BMERB1: variants seen among roughly 807,000 people sequenced by gnomAD.
BMERB1 encodes bMERB domain-containing protein 1.
In BMERB1, 12 loss-of-function variants were observed where a neutral mutation model predicts 23.6. The ratio of observed to expected loss-of-function variants is 0.51; its 90% confidence interval spans 0.33 to 0.82. The LOEUF (loss-of-function observed/expected upper bound fraction) is 0.82, where lower values mean the gene tolerates loss of function less well. Ranked by LOEUF, BMERB1 falls within the 40% of genes least tolerant of loss-of-function variation. The pLI, the probability that BMERB1 is intolerant of heterozygous loss-of-function variation, is 0.03. For missense variants in BMERB1, 247 were observed against 255.4 expected, an observed-to-expected ratio of 0.97 and a Z score of 0.22; for synonymous variants, 122 against 96.6, an observed-to-expected ratio of 1.26 and a Z score of -1.54.
intron 1 of BMERB1, among the ~76,000 whole-genome samples, chr16:15,509,140 C>A (rs1233146081): frequency 6.6e-6 from 1 of 151,996 alleles, no homozygotes; most frequent in Admixed American, 6.6e-5. Flanking sequence ...CACGCCTCGC[C>A]CCAGGGTGTG....
chr16:15,578,907 GCA>G (rs1464690927), intron 3 of BMERB1, among the ~76,000 whole-genome samples: 6 of 152,306 alleles, frequency 3.9e-5, no homozygotes, highest in Admixed American at 3.3e-4. Flanking sequence ...AAGGTATGTG[GCA>G]CACACGCACG....
intron 2 of BMERB1, among the ~76,000 whole-genome samples, chr16:15,524,191 T>G (rs528479143): frequency 6.6e-6 from 1 of 152,276 alleles, no homozygotes; most frequent in South Asian, 2.1e-4. Flanking sequence ...AAATAGCATC[T>G]TCCAGGAACA....
intron 1 of BMERB1, among the ~76,000 whole-genome samples, chr16:15,509,616 G>C (rs2051635740): frequency 6.6e-6 from 1 of 152,130 alleles, no homozygotes; most frequent in African/African-American, 2.4e-5. Flanking sequence ...CCGCCTAGCT[G>C]TTTTTTGCCA....
chr16:15,436,544 G>A (rs988181969), intron 1 of BMERB1, among the ~76,000 whole-genome samples: 14 of 152,002 alleles, frequency 9.2e-5, no homozygotes, highest in Non-Finnish European at 2.1e-4. Context: ...CAGGTGTGAG[G>A]CACCCCACCT....
intron 1 of BMERB1, among the ~76,000 whole-genome samples, chr16:15,483,436 A>G (rs1409478683): frequency 1.3e-5 from 2 of 152,014 alleles, no homozygotes; most frequent in African/African-American, 4.8e-5. Context: ...CTGGAGTGCA[A>G]TGGCATGATC....
chr16:15,440,244 CAAAAAA>C (rs57412464), intron 1 of BMERB1, among the ~76,000 whole-genome samples: 4 of 64,702 alleles, frequency 6.2e-5, no homozygotes, highest in African/African-American at 2.6e-4. Flanking sequence ...GACTTAATCT[CAAAAAA>C]AAAAAAAAAA....
At chr16:15,456,192 CTTCT>C in intron 1 of BMERB1, among the ~76,000 whole-genome samples, 1 of 152,248 alleles carries the variant, frequency 6.6e-6, no homozygotes, top group Admixed American at 6.5e-5. Flanking sequence ...TGATGTGTAT[CTTCT>C]CAGTGTTTTG....
At chr16:15,586,580 A>T in intron 5 of BMERB1, 137 bp from the exon 6 acceptor site, 3 of 714,478 alleles carry the variant, frequency 4.2e-6, no homozygotes, top group Non-Finnish European at 7.6e-6. Context: ...TCTCCATACC[A>T]CCTGAACAAG....
chr16:15,524,862 G>A, intron 2 of BMERB1, among the ~76,000 whole-genome samples: 1 of 152,112 alleles, frequency 6.6e-6, no homozygotes, highest in East Asian at 1.9e-4. Context: ...GTTTCGAGAA[G>A]GAAAATACTC....
intron 1 of BMERB1, among the ~76,000 whole-genome samples, chr16:15,497,337 A>C (rs1356483901): frequency 3.3e-5 from 5 of 152,188 alleles, no homozygotes; most frequent in African/African-American, 1.2e-4. Context: ...CCGATGAATG[A>C]GGGGTCTGGC....
chr16:15,573,314 A>C (rs889906124), intron 3 of BMERB1, among the ~76,000 whole-genome samples: 6 of 152,182 alleles, frequency 3.9e-5, no homozygotes, highest in Non-Finnish European at 1.5e-5. Flanking sequence ...GGGGAATTAC[A>C]ATAGAGAAAG....
intron 1 of BMERB1, among the ~76,000 whole-genome samples, chr16:15,496,552 T>C (rs1357813450): frequency 2.6e-5 from 4 of 152,096 alleles, no homozygotes; most frequent in Non-Finnish European, 4.4e-5. Context: ...AATTTTTTTT[T>C]TTTTTTGAGA....
chr16:15,453,629 T>C (rs1221636166), intron 1 of BMERB1, among the ~76,000 whole-genome samples: 1 of 151,868 alleles, frequency 6.6e-6, no homozygotes, highest in East Asian at 1.9e-4. Flanking sequence ...CCCAGCATTT[T>C]GGGAGGCCGA....
At chr16:15,449,733 A>T (rs902332575) in intron 1 of BMERB1, among the ~76,000 whole-genome samples, 1 of 151,756 alleles carries the variant, frequency 6.6e-6, no homozygotes, top group South Asian at 2.1e-4. Context: ...TTTACTAGAG[A>T]CAAGCTTTCA....
chr16:15,436,685 C>G (rs564757848), intron 1 of BMERB1, among the ~76,000 whole-genome samples: 114 of 151,916 alleles, frequency 7.5e-4, no homozygotes, highest in Admixed American at 3.4e-3. Flanking sequence ...TCTGTGTCCC[C>G]CCATCCCAAT....
At chr16:15,454,367 T>A (rs1373274210) in intron 1 of BMERB1, among the ~76,000 whole-genome samples, 1 of 152,192 alleles carries the variant, frequency 6.6e-6, no homozygotes, top group Non-Finnish European at 1.5e-5. Context: ...CAGTGTTGCT[T>A]CCTTCGAGGA....
At chr16:15,517,920 TGA>T (rs1303833929) in intron 2 of BMERB1, among the ~76,000 whole-genome samples, 1 of 147,914 alleles carries the variant, frequency 6.8e-6, no homozygotes, top group African/African-American at 2.5e-5. Context: ...TATGTGTGTG[TGA>T]GGATGTGTGT....
intron 1 of BMERB1, among the ~76,000 whole-genome samples, chr16:15,470,739 T>A (rs1234584255): frequency 1.3e-5 from 2 of 150,988 alleles, no homozygotes; most frequent in Non-Finnish European, 2.9e-5. Context: ...TTGGCCAAGA[T>A]GATCTCAATC....
At chr16:15,510,138 A>C (rs372926799) in intron 1 of BMERB1, among the ~76,000 whole-genome samples, 2 of 152,080 alleles carry the variant, frequency 1.3e-5, no homozygotes, top group African/African-American at 4.8e-5. Flanking sequence ...CCCTGCCAAC[A>C]CCTTGGTTTC....
Sources: gnomAD v4.1 joint callset for allele counts (sites outside exome capture counted in the v4.1 genomes callset) on GRCh38, gnomAD v4.1.1 for gene constraint, MANE v1.5 for transcripts, NCBI Gene and HGNC (gene_info 2026-07-23, HGNC 2026-07-21) for gene names.